CCDC138: variants seen among roughly 807,000 people sequenced by gnomAD.
CCDC138 encodes the protein coiled-coil domain-containing protein 138.
A neutral mutation model predicts 82.3 loss-of-function variants in CCDC138; 66 were observed. That is an observed-to-expected ratio of 0.80 (90% CI 0.66 to 0.98). The LOEUF is 0.98. Ranked by LOEUF, CCDC138 falls within the 50% of genes least tolerant of loss-of-function variation. The pLI, the probability that CCDC138 is intolerant of heterozygous loss-of-function variation, is 0.00. For missense variants in CCDC138, 816 were observed against 758.9 expected (o/e 1.08, Z -0.88); for synonymous variants, 297 against 265.4 (o/e 1.12, Z -1.16).
chr2:108,847,269 A>G (rs992543476), intron 12 of CCDC138, among the ~76,000 whole-genome samples: 35 of 152,358 alleles, frequency 2.3e-4, no homozygotes, highest in African/African-American at 8.4e-4. Flanking sequence ...GTCCATGGGC[A>G]AAATCTGGCC....
At position 108,872,466 on chromosome 2, in the gene CCDC138, T is replaced by C. The variant is rs1207672001; in HGVS notation, c.1694-985T>C. Reference sequence around the variant, plus strand: ...GTTATATGCAAAAGGCACATAACCATTGTCTCCAGTGCTCCATTCCTAGCA... The same window carrying C: ...GTTATATGCAAAAGGCACATAACCACTGTCTCCAGTGCTCCATTCCTAGCA... On this transcript the variant is annotated intron_variant, in intron 13 of 14. Coordinates refer to ENST00000295124, the MANE Select transcript of CCDC138 (RefSeq NM_144978.3). 2.0e-5 allele frequency among the ~76,000 whole-genome samples: 3 copies of C among 152,214 alleles called. No individual in the cohort carries two copies. The East Asian group carries it at 5.8e-4, about 29-fold the overall frequency.
At chr2:108,803,188 A>G (rs1293365287) in intron 6 of CCDC138, among the ~76,000 whole-genome samples, 1 of 152,228 alleles carries the variant, frequency 6.6e-6, no homozygotes, top group Non-Finnish European at 1.5e-5. Flanking sequence ...ACTGAGCTCC[A>G]TTCTCCAAGC....
chr2:108,816,213 G>A (rs1684779415), intron 10 of CCDC138, 108 bp downstream of exon 10: 8 of 802,028 alleles, frequency 1.0e-5, no homozygotes, highest in South Asian at 1.9e-5. Flanking sequence ...CACTTTGGGA[G>A]TTCGAGCTGG....
intron 12 of CCDC138, among the ~76,000 whole-genome samples, chr2:108,847,607 A>C (rs1000526678): frequency 2.6e-5 from 4 of 152,246 alleles, no homozygotes; most frequent in African/African-American, 9.6e-5. Context: ...ATATTTAGCT[A>C]TAACAGGTTA....
intron 11 of CCDC138, among the ~76,000 whole-genome samples, chr2:108,843,925 C>T (rs1364884924): frequency 2.6e-5 from 3 of 113,950 alleles, no homozygotes; most frequent in Non-Finnish European, 5.0e-5. Context: ...GGGTCTTGCT[C>T]TGTTGCCCAG....
intron 13 of CCDC138, among the ~76,000 whole-genome samples, chr2:108,862,948 TA>T (rs35597119): frequency 0.92 from 139,522 of 152,034 alleles, 64,091 homozygotes; most frequent in East Asian, 1. Context: ...TCAATTTGGG[TA>T]AAAAAATAAT....
intron 7 of CCDC138, among the ~76,000 whole-genome samples, chr2:108,807,631 T>G (rs976925259): frequency 6.6e-6 from 1 of 152,220 alleles, no homozygotes; most frequent in Non-Finnish European, 1.5e-5. Context: ...TTTGTTTTGT[T>G]TTTTTGAGAT....
intron 5 of CCDC138, among the ~76,000 whole-genome samples, chr2:108,795,633 G>A (rs1680745325): frequency 6.6e-6 from 1 of 152,132 alleles, no homozygotes; most frequent in African/African-American, 2.4e-5. Flanking sequence ...AATTACCATA[G>A]CATTTTAGAA....
In CCDC138 at chr2:108,817,613, G is replaced by A. The variant is rs1473895140; in HGVS notation, c.1206+1508G>A. Among the ~76,000 whole-genome samples the A allele has an allele frequency of 2.0e-5, 3 of 152,068 alleles. No homozygotes were observed. The East Asian group carries it at 5.8e-4, about 29-fold the overall frequency. ...GCCATCAGATATCTTCTGGAAGCTGGGAATTGCCCTCAGCTGACAGTCACA... is the reference window on the plus strand; with the variant it reads ...GCCATCAGATATCTTCTGGAAGCTGAGAATTGCCCTCAGCTGACAGTCACA... On this transcript the variant is annotated intron_variant, in intron 10 of 14. Coordinates refer to ENST00000295124, the MANE Select transcript of CCDC138 (RefSeq NM_144978.3).
At chr2:108,824,233 A>G (rs894909010) in intron 10 of CCDC138, among the ~76,000 whole-genome samples, 1 of 152,154 alleles carries the variant, frequency 6.6e-6, no homozygotes, top group Non-Finnish European at 1.5e-5. Flanking sequence ...TAAACTTTTT[A>G]GTTTTTTTAA....
chr2:108,831,273 CGTT>C (rs1350008921), intron 10 of CCDC138, among the ~76,000 whole-genome samples: 1 of 152,070 alleles, frequency 6.6e-6, no homozygotes, highest in Non-Finnish European at 1.5e-5. Flanking sequence ...TGATCTTAAA[CGTT>C]GAAAGGACAA....
At chr2:108,837,450 A>G (rs1313242717) in intron 10 of CCDC138, among the ~76,000 whole-genome samples, 4 of 152,234 alleles carry the variant, frequency 2.6e-5, no homozygotes, top group Non-Finnish European at 4.4e-5. Context: ...GTTTAAGACA[A>G]TGGTAGACCG....
At position 108,788,085 on chromosome 2, in the gene CCDC138, C is replaced by A; in HGVS notation, c.147C>A (p.Ser49=). The change falls in exon 2 of 15, where the codon TCC becomes TCA. Residue 49 remains serine, a synonymous_variant. Transcript: ENST00000295124. The stretch of plus-strand genomic sequence containing the variant: ...AGTATAAGAGAAGAACTCTAACCTC[C>A]CCAGGTAAGCCGGTATTTTGTATAT... ...QSKYKRRTLT[S]PGDLDIYSGD... is the part of the protein sequence containing the mutation. The A allele has an allele frequency of 2.5e-6, 4 of 1,601,202 alleles. No homozygotes were observed. The highest frequency in any genetic ancestry group is 3.4e-6 in the Non-Finnish European group (4 of 1,175,748).
chr2:108,853,879 A>G (rs1055843992), intron 12 of CCDC138, among the ~76,000 whole-genome samples: 1 of 123,098 alleles, frequency 8.1e-6, no homozygotes, highest in African/African-American at 3.2e-5. Context: ...ATACTATATA[A>G]TATATTATAT....
intron 12 of CCDC138, among the ~76,000 whole-genome samples, chr2:108,855,400 G>C (rs1248119645): frequency 6.6e-6 from 1 of 151,974 alleles, no homozygotes; most frequent in Non-Finnish European, 1.5e-5. Context: ...GTCAAATACA[G>C]TAGGTGGCAC....
chr2:108,856,484 G>A (rs1344409460), intron 12 of CCDC138, among the ~76,000 whole-genome samples: 1 of 152,056 alleles, frequency 6.6e-6, no homozygotes, highest in Non-Finnish European at 1.5e-5. Context: ...ATCAAATATG[G>A]AAAAATAAAC....
At chr2:108,817,087 C>T (rs921309942) in intron 10 of CCDC138, among the ~76,000 whole-genome samples, 2 of 152,132 alleles carry the variant, frequency 1.3e-5, no homozygotes, top group East Asian at 1.9e-4. Context: ...ACGTTCAAAC[C>T]ATAGCACATG....
chr2:108,788,096 C>A lies in CCDC138; in HGVS notation c.151+7C>A, dbSNP rs758886949. 2 of 1,601,690 alleles carry A rather than the reference C, an allele frequency of 1.2e-6. No homozygotes were observed. Among genetic ancestry groups the A allele is most frequent in the African/African-American group, 1.4e-5 (1 of 73,876 alleles). On this transcript the variant is annotated splice_region_variant and intron_variant, in intron 2 of 14. Coordinates refer to ENST00000295124, the MANE Select transcript of CCDC138 (RefSeq NM_144978.3). The stretch of plus-strand genomic sequence containing the variant: ...AGAACTCTAACCTCCCCAGGTAAGC[C>A]GGTATTTTGTATATTTGGGGGTTTC...
Position 108,813,522 on chromosome 2 carries a change from T to G in CCDC138, c.1041+595T>G, listed in dbSNP as rs1684257718. ...AATGGCTTTATTGCTTAGTATGTTT[T>G]GACACTCCACAAGCATTTGCTATTA... is the stretch of plus-strand genomic sequence containing the variant. On this transcript the variant is annotated intron_variant, in intron 9 of 14. Transcript: ENST00000295124. 2.0e-5 allele frequency among the ~76,000 whole-genome samples: 3 copies of G among 152,338 alleles called. No individual in the cohort carries two copies. The South Asian group carries it at 6.2e-4, about 32-fold the overall frequency.
Sources: allele counts gnomAD v4.1 joint callset (sites outside exome capture counted in the v4.1 genomes callset), GRCh38; gene constraint gnomAD v4.1.1; transcripts MANE v1.5; gene names NCBI Gene and HGNC (gene_info 2026-07-23, HGNC 2026-07-21).